RPL26L1: variants seen among roughly 807,000 people sequenced by gnomAD.
RPL26L1 encodes the protein ribosomal protein uL24-like.
A neutral mutation model predicts 15.2 loss-of-function variants in RPL26L1; 8 were observed. The observed-to-expected ratio is 0.53, with a 90% CI of 0.31 to 0.95. The LOEUF is 0.95. RPL26L1 is among the 40% of genes least tolerant of loss of function. RPL26L1 has a pLI of 0.05. For synonymous variants in RPL26L1, 51 were observed against 65.9 expected (o/e 0.77, Z 1.09); for missense variants, 146 against 190.9 (o/e 0.76, Z 1.39).
chr5:172,966,469 T>G (rs1755456061), intron 2 of RPL26L1, among the ~76,000 whole-genome samples: 1 of 151,928 alleles, frequency 6.6e-6, no homozygotes, highest in South Asian at 2.1e-4. Flanking sequence ...GCCTAAGATC[T>G]TTCTTCAGTC....
chr5:172,962,617 A>G (rs1028717346), intron 2 of RPL26L1, among the ~76,000 whole-genome samples: 7 of 151,940 alleles, frequency 4.6e-5, no homozygotes, highest in South Asian at 2.1e-4. Flanking sequence ...GGAGATTGAG[A>G]CCATCCTGGC....
chr5:172,954,115 T>C (rs1396778539), upstream of RPL26L1, among the ~76,000 whole-genome samples: 1 of 152,224 alleles, frequency 6.6e-6, no homozygotes, highest in Non-Finnish European at 1.5e-5. Context: ...GCTTTTATAC[T>C]GGTAGGATGT....
chr5:172,960,081 T>TGCTCG (rs1755171264), intron 2 of RPL26L1, 40 bp downstream of exon 2: 1 of 1,611,760 alleles, frequency 6.2e-7, no homozygotes, highest in Non-Finnish European at 8.5e-7. Context: ...CGGACACCGT[T>TGCTCG]GCCTAAGAAC....
chr5:172,960,075 C>G, intron 2 of RPL26L1, 34 bp downstream of exon 2: 1 of 1,612,672 alleles, frequency 6.2e-7, no homozygotes, highest in Non-Finnish European at 8.5e-7. Context: ...GGCGCTCGGA[C>G]ACCGTTGCCT....
At chr5:172,966,081 C>G (rs1316316913) in intron 2 of RPL26L1, among the ~76,000 whole-genome samples, 1 of 152,178 alleles carries the variant, frequency 6.6e-6, no homozygotes, top group African/African-American at 2.4e-5. Context: ...TGTCTCCTGT[C>G]TTCCTCTTCA....
chr5:172,958,244 A>G (rs1336306180), upstream of RPL26L1: 1 of 398,360 alleles, frequency 2.5e-6, no homozygotes, highest in East Asian at 7.3e-5. Flanking sequence ...AGCCCAGGGA[A>G]CAAGAGCGAA....
intron 3 of RPL26L1, among the ~76,000 whole-genome samples, chr5:172,969,212 A>C (rs1755590426): frequency 6.6e-6 from 1 of 152,150 alleles, no homozygotes; most frequent in Admixed American, 6.6e-5. Context: ...ATCTTCCTGT[A>C]GCCCTCATGC....
upstream of RPL26L1, chr5:172,959,302 C>T (rs541856577): frequency 2.1e-6 from 2 of 947,632 alleles, no homozygotes; most frequent in South Asian, 8.8e-5. Flanking sequence ...GCATCGCCCT[C>T]CCGGGGCCGC....
upstream of RPL26L1, chr5:172,955,246 A>T (rs1431222555): frequency 9.2e-6 from 3 of 326,872 alleles, no homozygotes; most frequent in Non-Finnish European, 1.8e-5. Context: ...CTCCTGTTTC[A>T]GCCTCCTGAG....
chr5:172,959,384 G>A (rs1197662204), upstream of RPL26L1: 1 of 1,005,132 alleles, frequency 9.9e-7, no homozygotes, highest in Non-Finnish European at 1.2e-6. Context: ...ACGGAAATGG[G>A]GCTTCGATGT....
intron 2 of RPL26L1, among the ~76,000 whole-genome samples, chr5:172,962,555 C>T (rs1214612852): frequency 2.0e-5 from 3 of 151,320 alleles, no homozygotes; most frequent in South Asian, 4.2e-4. Context: ...CAGTGGCTCA[C>T]GCCTGTAATC....
In RPL26L1 at chr5:172,959,762, C is replaced by T. The variant is rs1369142472; in HGVS notation, c.-9-103C>T. On this transcript the variant is annotated intron_variant, in intron 1 of 3. Coordinates refer to ENST00000265100, the MANE Select transcript of RPL26L1 (RefSeq NM_016093.4). ...AGTTGCCTTTTCAGAGGCTACCTCC[C>T]CTGTAGAGCCTTTGTTGGGGGATGA... 6 of 1,339,470 alleles carry T rather than the reference C, an allele frequency of 4.5e-6. No homozygotes were observed. In the East Asian group the frequency reaches 7.0e-5, roughly 16 times the overall value. The allele number at this position is 1,339,470 out of a possible 1,614,324, so 83.0% of individuals were successfully genotyped here. A position where few individuals can be genotyped will look rare whatever the true frequency, so the allele number is the denominator to read the frequency against.
chr5:172,957,200 C>T, upstream of RPL26L1: 1 of 456,260 alleles, frequency 2.2e-6, no homozygotes. Context: ...GCGCATGTTT[C>T]CAGGGGTGGG....
At chr5:172,957,077 C>A (rs1466673259), upstream of RPL26L1, 1 of 421,546 alleles carries the variant, frequency 2.4e-6, no homozygotes, top group Non-Finnish European at 4.8e-6. Context: ...GGCAGAGATC[C>A]AAACCCAAGC....
At chr5:172,961,676 C>T (rs560824197) in intron 2 of RPL26L1, among the ~76,000 whole-genome samples, 22 of 152,348 alleles carry the variant, frequency 1.4e-4, no homozygotes, top group African/African-American at 5.1e-4. Context: ...TGACTGAATC[C>T]AGTGGACACA....
chr5:172,964,284 T>TTTTTC (rs1755364915), intron 2 of RPL26L1, among the ~76,000 whole-genome samples: 1 of 130,982 alleles, frequency 7.6e-6, no homozygotes, highest in Non-Finnish European at 1.7e-5. Context: ...CTGTTGCCTT[T>TTTTTC]TTTTTTTTTT....
intron 2 of RPL26L1, among the ~76,000 whole-genome samples, chr5:172,967,894 ATG>A (rs1411855572): frequency 1.5e-4 from 22 of 151,640 alleles, no homozygotes; most frequent in African/African-American, 5.1e-4. Flanking sequence ...GTATGTATAT[ATG>A]ACATATAAAT....
intron 2 of RPL26L1, among the ~76,000 whole-genome samples, chr5:172,964,281 C>CCATTT (rs1402885653): frequency 1.0e-5 from 1 of 99,234 alleles, no homozygotes; most frequent in African/African-American, 3.6e-5. Context: ...GGCCTGTTGC[C>CCATTT]TTTTTTTTTT....
chr5:172,958,719 T>C (rs967162619), upstream of RPL26L1: 38 of 247,202 alleles, frequency 1.5e-4, no homozygotes, highest in East Asian at 3.5e-4. Flanking sequence ...CAGGCAGTCT[T>C]CCAGGGGTCG....
Sources: allele counts gnomAD v4.1 joint callset (sites outside exome capture counted in the v4.1 genomes callset), GRCh38; gene constraint gnomAD v4.1.1; transcripts MANE v1.5; gene names NCBI Gene and HGNC (gene_info 2026-07-23, HGNC 2026-07-21).